Variants in CENPF observed in about 807,000 individuals in gnomAD.
CENPF encodes centromere protein F.
A neutral mutation model predicts 307.3 loss-of-function variants in CENPF; 214 were observed. The ratio of observed to expected loss-of-function variants is 0.70; its 90% CI spans 0.62 to 0.78. The LOEUF (loss-of-function observed/expected upper bound fraction) is 0.78, where lower values mean the gene tolerates loss of function less well. CENPF is among the 30% of genes least tolerant of loss of function. The probability of loss-of-function intolerance (pLI) is 0.00; values close to 1 mark genes in which losing one functional copy is unlikely to be tolerated. For missense variants in CENPF, 3,401 were observed against 3,483.9 expected, an observed-to-expected ratio of 0.98 and a Z score of 0.60; for synonymous variants, 1,259 against 1,270.6, an observed-to-expected ratio of 0.99 and a Z score of 0.19.
chr1:214,629,209 G>C, intron 8 of CENPF, 38 bp downstream of exon 8: 1 of 1,521,780 alleles, frequency 6.6e-7, no homozygotes, highest in Non-Finnish European at 8.8e-7. Context: ...TGTCTGAAAG[G>C]CTTTTTATGG....
At chr1:214,621,011 A>G (rs1263737156) in intron 6 of CENPF, 65 bp downstream of exon 6, 1 of 1,458,872 alleles carries the variant, frequency 6.9e-7, no homozygotes, top group African/African-American at 1.4e-5. Context: ...GTGATTTCAG[A>G]TATTTTTAAT....
intron 9 of CENPF, 64 bp downstream of exon 9, chr1:214,630,726 C>A: frequency 3.8e-6 from 6 of 1,565,900 alleles, no homozygotes; most frequent in Non-Finnish European, 4.3e-6. Flanking sequence ...CTTGTTACTT[C>A]TCTACCATAA....
At chr1:214,613,396 A>G in intron 1 of CENPF, 1 of 198,860 alleles carries the variant, frequency 5.0e-6, no homozygotes, top group Non-Finnish European at 1.0e-5. Flanking sequence ...GGTGACTGCC[A>G]TCTTGCATCA....
chr1:214,608,387 C>G (rs1318685388), intron 1 of CENPF: 18 of 1,613,320 alleles, frequency 1.1e-5, no homozygotes, highest in Non-Finnish European at 1.5e-5. Context: ...CCCGAGCTGG[C>G]ACCGTAGCCG....
Position 214,637,956 on chromosome 1 carries a change from A to G in CENPF, c.1537A>G (p.Lys513Glu). 3 of 1,613,362 alleles carry G rather than the reference A, an allele frequency of 1.9e-6. No individual in the cohort carries two copies. Among genetic ancestry groups the G allele is most frequent in the Non-Finnish European group, 2.5e-6 (3 of 1,179,876 alleles). ...CCTGGAGGCAGAACTCAAGAACATC[A>G]AACAGTGTTTAAATCAGAGCCAGAA... ...CHLEAELKNI[K>E]QCLNQSQNFA... is the part of the protein sequence containing the mutation. Residue 513 changes from lysine to glutamate, a missense_variant, in exon 11 of 20, where the codon AAA (lysine) becomes GAA (glutamate). By Grantham distance (56) the Lys-to-Glu change is moderately conservative. Coordinates refer to ENST00000366955, the MANE Select transcript of CENPF (RefSeq NM_016343.4).
Position 214,657,410 on chromosome 1 carries a change from G to A in CENPF, c.8962+1G>A, listed in dbSNP as rs1220427844. 2 of 1,585,772 alleles carry A rather than the reference G, an allele frequency of 1.3e-6. No individual in the cohort carries two copies. The highest frequency in any genetic ancestry group is 1.1e-5 in the South Asian group (1 of 89,962). On this transcript the variant is annotated splice_donor_variant, in intron 18 of 19. Coordinates refer to ENST00000366955, the MANE Select transcript of CENPF (RefSeq NM_016343.4). LOFTEE classifies it high-confidence loss of function. Reference sequence around the variant, plus strand: ...GGACTTCCAGAAGTTGTAAAGAAAGGTATGCCTAATTTAAAGACAAAATTA... The same window carrying A: ...GGACTTCCAGAAGTTGTAAAGAAAGATATGCCTAATTTAAAGACAAAATTA...
At position 214,633,204 on chromosome 1, in the gene CENPF, T is replaced by C. The variant is rs1657856954; in HGVS notation, c.1446+602T>C. On this transcript the variant is annotated intron_variant, in intron 10 of 19. Transcript: ENST00000366955. ...CCTGTGCATGCCCTGGTTGACGGTG[T>C]CTTTGGAGACTTTGTTTTGTCCACA... 2.0e-5 allele frequency among the ~76,000 whole-genome samples: 3 copies of C among 152,246 alleles called. No homozygotes were observed. In the South Asian group the frequency reaches 6.2e-4, roughly 32 times the overall value.
rs780095605 is a variant in CENPF, at chr1:214,664,055, A to G, written c.*261A>G. 4.4e-5 allele frequency: 14 copies of G among 319,238 alleles called. No homozygotes were observed. The highest frequency in any genetic ancestry group is 7.4e-5 in the Non-Finnish European group (13 of 176,032). The allele number at this position is 319,238 out of a possible 1,614,324, so 19.8% of individuals were successfully genotyped here. ...AGCTATGTATATAAAGCTTTTTGGT[A>G]ATATGTTACAATTAAAATGACAAGC... On this transcript the variant is annotated 3_prime_UTR_variant, in exon 20 of 20. Transcript: ENST00000366955.
At chr1:214,663,549 G>A (rs183581533) in intron 19 of CENPF, 42 bp from the exon 20 acceptor site, 30 of 1,583,176 alleles carry the variant, frequency 1.9e-5, no homozygotes, top group African/African-American at 6.7e-5. Flanking sequence ...TTGTGGAAAT[G>A]TGAATGTGAT....
chr1:214,642,827 A>C lies in CENPF; in HGVS notation c.4489A>C (p.Arg1497=). Reference sequence around the variant, plus strand: ...CAGTTTGGGAGACTCCTCCTTTTACAGAGCTCTTTTAGAACAGACAGGAGA... The same window carrying C: ...CAGTTTGGGAGACTCCTCCTTTTACCGAGCTCTTTTAGAACAGACAGGAGA... ...LSSLGDSSFY[R]ALLEQTGDMS... The change falls in exon 12 of 20, where the codon AGA becomes CGA. Residue 1497 remains arginine (R), a synonymous_variant. Transcript: ENST00000366955. The C allele has an allele frequency of 6.2e-7, 1 of 1,614,000 alleles. No individual in the cohort carries two copies. Among genetic ancestry groups the C allele is most frequent in the Non-Finnish European group, 8.5e-7 (1 of 1,179,998 alleles).
chr1:214,647,833 G>A, intron 13 of CENPF: 1 of 326,414 alleles, frequency 3.1e-6, no homozygotes, highest in South Asian at 2.6e-5. Flanking sequence ...TTTGCCTTCA[G>A]GACAAAGCAC....
chr1:214,628,851 A>C (rs1211127193), intron 7 of CENPF, among the ~76,000 whole-genome samples, 195 bp from the exon 8 acceptor site: 1 of 152,234 alleles, frequency 6.6e-6, no homozygotes, highest in African/African-American at 2.4e-5. Flanking sequence ...ATCGTTAGAC[A>C]TGCCGATCTT....
intron 13 of CENPF, chr1:214,648,065 T>C (rs1283094013): frequency 7.2e-6 from 3 of 418,660 alleles, no homozygotes; most frequent in Non-Finnish European, 1.5e-5. Flanking sequence ...AGGAAAGTGA[T>C]TTTGTCACAC....
Position 214,641,769 on chromosome 1 carries a change from A to G in CENPF, c.3431A>G (p.Lys1144Arg). Residue 1144 changes from lysine (K) to arginine (R), a missense_variant, in exon 12 of 20, where the codon AAG (lysine) becomes AGG (arginine). Lys to Arg is a conservative substitution (Grantham distance 26). Coordinates refer to ENST00000366955, the MANE Select transcript of CENPF (RefSeq NM_016343.4). Reference sequence around the variant, plus strand: ...AAGGAAGAACAAAACAAAATGCAAAAGGAAGTTAATGACTTATTACAAGAG... The same window carrying G: ...AAGGAAGAACAAAACAAAATGCAAAGGGAAGTTAATGACTTATTACAAGAG... Reference protein sequence around the residue: ...TLKEEQNKMQKEVNDLLQENE... With the variant: ...TLKEEQNKMQREVNDLLQENE... The G allele has an allele frequency of 2.5e-6, 4 of 1,589,128 alleles. No individual in the cohort carries two copies. Among genetic ancestry groups the G allele is most frequent in the Non-Finnish European group, 3.4e-6 (4 of 1,172,590 alleles).
intron 5 of CENPF, 41 bp from the exon 6 acceptor site, chr1:214,620,614 T>A: frequency 6.5e-7 from 1 of 1,548,612 alleles, no homozygotes; most frequent in Non-Finnish European, 8.7e-7. Flanking sequence ...CTTGAGTATA[T>A]AAGATCTTTA....
At position 214,644,731 on chromosome 1, in the gene CENPF, T is replaced by C. The variant is rs1481413647; in HGVS notation, c.5161T>C (p.Cys1721Arg). The C allele has an allele frequency of 6.2e-7, 1 of 1,613,474 alleles. No individual in the cohort carries two copies. The highest frequency in any genetic ancestry group is 2.2e-5 in the East Asian group (1 of 44,830). The part of the protein sequence containing the change: ...ETGAVKPTGE[C>R]SGEQSPDTNY... ...TGGTGCAGTGAAACCCACAGGAGAG[T>C]GCTCTGGGGAACAGTCCCCAGATAC... Residue 1721 changes from cysteine (C) to arginine (R), a missense_variant, in exon 13 of 20, where the codon TGC (cysteine) becomes CGC (arginine). By Grantham distance (180) the Cys-to-Arg change is radical (BLOSUM62 -3). Transcript: ENST00000366955.
Position 214,613,727 on chromosome 1 carries a change from G to A in CENPF, c.-28G>A. On this transcript the variant is annotated 5_prime_UTR_variant, in exon 2 of 20. It removes an upstream start codon present in the reference 5' UTR. Coordinates refer to ENST00000366955, the MANE Select transcript of CENPF (RefSeq NM_016343.4). ...TATTCTTTTCAGTTTATTTACAAATGTTGGAGTAATAAAGAAGGCAGAACA... is the reference window on the plus strand; with the variant it reads ...TATTCTTTTCAGTTTATTTACAAATATTGGAGTAATAAAGAAGGCAGAACA... 7 of 1,563,896 alleles carry A rather than the reference G, an allele frequency of 4.5e-6. No individual in the cohort carries two copies. The highest frequency in any genetic ancestry group is 5.2e-6 in the Non-Finnish European group (6 of 1,157,700).
rs1220513996 is a variant in CENPF at position 214,652,931 on chromosome 1, A to G, written c.8264A>G (p.Glu2755Gly). Residue 2755 changes from glutamate (E) to glycine (G), a missense_variant, in exon 16 of 20, where the codon GAG becomes GGG. Physicochemically the swap from Glu to Gly is moderately conservative, Grantham distance 98 (BLOSUM62 -2). Transcript: ENST00000366955. ...GACCTTTTAAAGTCTAGTAAAGAAG[A>G]GCTCAATAATTCATTGAAAGCTACT... is the stretch of plus-strand genomic sequence containing the variant. ...EIDLLKSSKE[E>G]LNNSLKATTQ... is the part of the protein sequence containing the mutation. 1 of 1,608,222 alleles carries G rather than the reference A, an allele frequency of 6.2e-7. No individual in the cohort carries two copies. Among genetic ancestry groups the G allele is most frequent in the Non-Finnish European group, 8.5e-7 (1 of 1,178,142 alleles).
intron 14 of CENPF, among the ~76,000 whole-genome samples, chr1:214,649,129 G>T (rs1049776442): frequency 1.3e-5 from 2 of 152,188 alleles, no homozygotes; most frequent in Non-Finnish European, 2.9e-5. Context: ...TAGATCTCAT[G>T]CCGCTTTCAA....
Sources: allele counts gnomAD v4.1 joint callset (sites outside exome capture counted in the v4.1 genomes callset), GRCh38; gene constraint gnomAD v4.1.1; transcripts MANE v1.5; gene names NCBI Gene and HGNC (gene_info 2026-07-23, HGNC 2026-07-21).